Variants in HBS1L observed in about 807,000 individuals in gnomAD.
HBS1L encodes the protein HBS1 like translational GTPase, also known as HBS1-like protein.
Under a neutral mutation model 88.9 loss-of-function variants are expected in HBS1L, and 55 were observed. That is an observed-to-expected ratio of 0.62 (90% CI 0.50 to 0.77). HBS1L has a LOEUF of 0.77. Ranked by LOEUF, HBS1L falls within the 30% of genes least tolerant of loss-of-function variation. The pLI is 0.00. For synonymous variants in HBS1L, 267 were observed against 288.5 expected (o/e 0.93, Z 0.76); for missense variants, 741 against 829.3 (o/e 0.89, Z 1.31).
chr6:134,975,365 T>C (rs1335596583), intron 15 of HBS1L, among the ~76,000 whole-genome samples: 1 of 152,140 alleles, frequency 6.6e-6, no homozygotes, highest in Non-Finnish European at 1.5e-5. Context: ...GCAAATCCTG[T>C]CAAAATACTA....
intron 12 of HBS1L, among the ~76,000 whole-genome samples, chr6:134,984,688 T>C (rs1774930000): frequency 6.6e-6 from 1 of 152,192 alleles, no homozygotes; most frequent in South Asian, 2.1e-4. Context: ...TAGTCTTCTA[T>C]ATAGGATCTT....
At chr6:135,002,381 G>A (rs1330758229) in intron 5 of HBS1L, among the ~76,000 whole-genome samples, 4 of 151,904 alleles carry the variant, frequency 2.6e-5, no homozygotes, top group Non-Finnish European at 5.9e-5. Context: ...TCCATGATTC[G>A]GGGACTCACT....
intron 15 of HBS1L, among the ~76,000 whole-genome samples, chr6:134,975,109 C>T (rs1446988266): frequency 1.3e-5 from 2 of 152,044 alleles, no homozygotes; most frequent in East Asian, 1.9e-4. Context: ...GCACCAACAA[C>T]GATCAAGCTG....
At chr6:135,023,171 A>G (rs2114860617) in intron 4 of HBS1L, among the ~76,000 whole-genome samples, 1 of 152,180 alleles carries the variant, frequency 6.6e-6, no homozygotes, top group South Asian at 2.1e-4. Context: ...GTGGCCGGGC[A>G]CACTGGCTCA....
In HBS1L at chr6:134,997,466, G is replaced by A. The variant is rs1228425850; in HGVS notation, c.730C>T (p.Gln244Ter). The change falls in exon 6 of 18, where the codon CAA becomes TAA. Residue 244 changes from glutamine to a stop codon, truncating the protein, a stop_gained. Transcript: ENST00000367837. LOFTEE classifies it high-confidence loss of function. ...PVKKSGKLRQ[Q>*]IDVKAELEKR... ...TCCAGTTCCGCCTTCACATCTATTTGCTGCCTCAGCTTGCCAGACTTTTTC... is the reference window on the plus strand; with the variant it reads ...TCCAGTTCCGCCTTCACATCTATTTACTGCCTCAGCTTGCCAGACTTTTTC... 1 of 1,613,982 alleles carries A rather than the reference G, an allele frequency of 6.2e-7. No individual in the cohort carries two copies. Among genetic ancestry groups the A allele is most frequent in the East Asian group, 2.2e-5 (1 of 44,872 alleles).
chr6:134,976,216 ACTCC>A (rs1774637989), intron 15 of HBS1L, among the ~76,000 whole-genome samples: 3 of 152,162 alleles, frequency 2.0e-5, no homozygotes, highest in Admixed American at 1.3e-4. Context: ...ATACCACCTT[ACTCC>A]AGCCAGAATG....
chr6:135,027,723 TTATTA>T (rs1776274247), intron 4 of HBS1L, among the ~76,000 whole-genome samples: 1 of 152,162 alleles, frequency 6.6e-6, no homozygotes, highest in African/African-American at 2.4e-5. Flanking sequence ...CCATGAGTGT[TTATTA>T]TATTATTTTC....
At chr6:135,049,666 G>T (rs779710518) in intron 2 of HBS1L, among the ~76,000 whole-genome samples, 21 of 152,094 alleles carry the variant, frequency 1.4e-4, no homozygotes, top group Non-Finnish European at 2.6e-4. Flanking sequence ...CTGCCTCCCA[G>T]GTTCAAGCAA....
chr6:134,982,464 C>T lies in HBS1L; in HGVS notation c.1591G>A (p.Val531Met), dbSNP rs756569693. ...LAMPPNETCT[V>M]KGITLHDEPV... ...GCATCTTGCAGATAAATACCTTTCA[C>T]GGTACAAGTTTCATTAGGAGGCATT... is the stretch of plus-strand genomic sequence containing the variant. Residue 531 changes from valine to methionine, a missense_variant, in exon 13 of 18, where the codon GTG becomes ATG. Coordinates refer to ENST00000367837, the MANE Select transcript of HBS1L (RefSeq NM_006620.4). 14 of 1,589,204 alleles carry T rather than the reference C, an allele frequency of 8.8e-6. No homozygotes were observed. The highest frequency in any genetic ancestry group is 6.7e-5 in the Admixed American group (4 of 59,710).
chr6:135,010,179 T>C (rs1231539856), intron 4 of HBS1L, among the ~76,000 whole-genome samples: 2 of 152,186 alleles, frequency 1.3e-5, no homozygotes, highest in East Asian at 1.9e-4. Context: ...CAACCAATCC[T>C]AATAGTCTAC....
intron 13 of HBS1L, among the ~76,000 whole-genome samples, chr6:134,979,703 T>C (rs1474848118): frequency 6.6e-6 from 1 of 152,060 alleles, no homozygotes; most frequent in Non-Finnish European, 1.5e-5. Context: ...TGCTTTTAAT[T>C]AGACAACCAC....
chr6:135,012,628 C>T (rs998160305), intron 4 of HBS1L, among the ~76,000 whole-genome samples: 3 of 152,082 alleles, frequency 2.0e-5, no homozygotes, highest in African/African-American at 4.8e-5. Flanking sequence ...GTCTTTAACA[C>T]GACCGCAATT....
At position 135,015,127 on chromosome 6, in the gene HBS1L, C is replaced by T. The variant is rs1034103125; in HGVS notation, c.431-12285G>A. 2.0e-5 allele frequency among the ~76,000 whole-genome samples: 3 copies of T among 152,052 alleles called. No individual in the cohort carries two copies. In the East Asian group the frequency reaches 5.8e-4, roughly 29 times the overall value. ...TCAGGTTTACAGGAATGTTTACCAA[C>T]ATTAAAACACATGAAGCAATTCAAG... On this transcript the variant is annotated intron_variant, in intron 4 of 17. Transcript: ENST00000367837.
At chr6:135,022,578 T>C (rs1237833663) in intron 4 of HBS1L, among the ~76,000 whole-genome samples, 2 of 152,208 alleles carry the variant, frequency 1.3e-5, no homozygotes, top group African/African-American at 4.8e-5. Flanking sequence ...AAAGCCCACA[T>C]AATTTTAAGC....
chr6:135,024,807 G>A (rs554384413), intron 4 of HBS1L, among the ~76,000 whole-genome samples: 2 of 151,962 alleles, frequency 1.3e-5, no homozygotes, highest in Admixed American at 6.5e-5. Context: ...TACCAGAAGA[G>A]GCTAATTTTA....
chr6:135,023,082 TTCTTTA>T (rs1027226479), intron 4 of HBS1L, among the ~76,000 whole-genome samples: 2 of 151,864 alleles, frequency 1.3e-5, no homozygotes, highest in Non-Finnish European at 2.9e-5. Flanking sequence ...TTTATGGCTG[TTCTTTA>T]TCTTTTTTTT....
In HBS1L at chr6:134,978,727, G is replaced by A; in HGVS notation, c.1749C>T (p.Ala583=). The change falls in exon 15 of 18, where the codon GCC becomes GCT. Residue 583 remains alanine, a synonymous_variant. Coordinates refer to ENST00000367837, the MANE Select transcript of HBS1L (RefSeq NM_006620.4). ...TTTCAATATTAAAGATGAGGATTCG[G>A]GCTCTGAAACGAGTGCAAGCTTTAA... ...VPIKACTRFR[A]RILIFNIEIP... 6.2e-7 allele frequency: 1 copy of A among 1,609,606 alleles called. No individual in the cohort carries two copies. Among genetic ancestry groups the A allele is most frequent in the Non-Finnish European group, 8.5e-7 (1 of 1,177,416 alleles).
At chr6:135,023,406 T>G (rs553239163) in intron 4 of HBS1L, among the ~76,000 whole-genome samples, 1 of 152,194 alleles carries the variant, frequency 6.6e-6, no homozygotes, top group East Asian at 1.9e-4. Context: ...TTCGCGCCAC[T>G]GCACTCTAGC....
chr6:134,979,175 C>A lies in HBS1L; in HGVS notation c.1688+3G>T. ...GGTTGCTTAAACTCATTTTCTCACT[C>A]ACTTGATTTTGATGATATCCATCCC... On this transcript the variant is annotated splice_donor_region_variant and intron_variant, in intron 14 of 17. Coordinates refer to ENST00000367837, the MANE Select transcript of HBS1L (RefSeq NM_006620.4). The A allele has an allele frequency of 6.2e-7, 1 of 1,605,254 alleles. No individual in the cohort carries two copies. The highest frequency in any genetic ancestry group is 1.1e-5 in the South Asian group (1 of 90,814).
Sources: allele counts gnomAD v4.1 joint callset (sites outside exome capture counted in the v4.1 genomes callset), GRCh38; gene constraint gnomAD v4.1.1; transcripts MANE v1.5; gene names NCBI Gene and HGNC (gene_info 2026-07-23, HGNC 2026-07-21).